Variants in DYM observed in about 807,000 individuals in gnomAD.
DYM encodes dymeclin.
DYM carries 78 observed loss-of-function variants against 93.1 expected under a neutral mutation model. The observed-to-expected ratio is 0.84, with a 90% confidence interval of 0.70 to 1.01. The LOEUF (loss-of-function observed/expected upper bound fraction) is 1.01, where lower values mean the gene tolerates loss of function less well. Among genes scored for constraint, DYM ranks in the 50% least tolerant of loss-of-function variants. The pLI is 0.00. For synonymous variants in DYM, 321 were observed against 319.7 expected (o/e 1.00, Z -0.04); for missense variants, 789 against 845.0 (o/e 0.93, Z 0.82).
chr18:49,118,564 G>A, intron 16 of DYM, 180 bp downstream of exon 16: 1 of 617,764 alleles, frequency 1.6e-6, no homozygotes, highest in Non-Finnish European at 2.9e-6. Context: ...AAATATGTAT[G>A]TGTGTGTATA....
At chr18:49,268,004 T>C (rs1488938375) in intron 11 of DYM, among the ~76,000 whole-genome samples, 5 of 152,214 alleles carry the variant, frequency 3.3e-5, no homozygotes, top group African/African-American at 1.2e-4. Context: ...ATTAAGGGTA[T>C]ATGAGGTCTC....
chr18:49,313,483 A>AAAAAAAAAAAAAAAAAAC (rs2061732957), intron 8 of DYM, among the ~76,000 whole-genome samples: 1 of 145,278 alleles, frequency 6.9e-6, no homozygotes, highest in Admixed American at 6.8e-5. Context: ...AAAAAAAAAA[A>AAAAAAAAAAAAAAAAAAC]AAAAAAAAAA....
chr18:49,079,405 T>TTA (rs1555742495), intron 17 of DYM, among the ~76,000 whole-genome samples: 2 of 150,432 alleles, frequency 1.3e-5, no homozygotes, highest in Admixed American at 1.3e-4. Flanking sequence ...TTTTTTTTTT[T>TTA]TTTATTTTTA....
chr18:49,196,820 G>T (rs772100549), intron 14 of DYM, among the ~76,000 whole-genome samples: 1 of 152,140 alleles, frequency 6.6e-6, no homozygotes, highest in African/African-American at 2.4e-5. Context: ...TTGCTGGATC[G>T]GGAATTAGGG....
chr18:49,276,529 A>G (rs1335378546), intron 10 of DYM, among the ~76,000 whole-genome samples: 2 of 152,168 alleles, frequency 1.3e-5, no homozygotes, highest in African/African-American at 4.8e-5. Flanking sequence ...AAGAGGAAAA[A>G]GGAGAAAATT....
At chr18:49,293,677 T>C (rs2060324941) in intron 8 of DYM, among the ~76,000 whole-genome samples, 1 of 152,230 alleles carries the variant, frequency 6.6e-6, no homozygotes, top group Non-Finnish European at 1.5e-5. Flanking sequence ...GTTTGCTTTT[T>C]TTCTTGTAAA....
At chr18:49,349,409 T>C (rs767922507) in intron 6 of DYM, among the ~76,000 whole-genome samples, 1 of 152,096 alleles carries the variant, frequency 6.6e-6, no homozygotes, top group Non-Finnish European at 1.5e-5. Context: ...GACTGACAGA[T>C]TGAAAAGATG....
At chr18:49,428,711 C>T (rs996084894) in intron 2 of DYM, among the ~76,000 whole-genome samples, 7 of 152,012 alleles carry the variant, frequency 4.6e-5, no homozygotes, top group African/African-American at 1.4e-4. Flanking sequence ...GTTGCTAGTG[C>T]AATCTAGAGT....
chr18:49,198,850 C>G (rs1314993099), intron 14 of DYM, among the ~76,000 whole-genome samples: 1 of 151,684 alleles, frequency 6.6e-6, no homozygotes, highest in Admixed American at 6.6e-5. Context: ...ACTAGAAATA[C>G]CATTTGACCC....
chr18:49,454,129 C>T (rs1040352588), intron 1 of DYM, among the ~76,000 whole-genome samples: 2 of 152,112 alleles, frequency 1.3e-5, no homozygotes, highest in East Asian at 1.9e-4. Context: ...AGCTGCTGAT[C>T]CCCACATGAT....
At chr18:49,065,725 T>C (rs937329365) in intron 17 of DYM, among the ~76,000 whole-genome samples, 6 of 151,914 alleles carry the variant, frequency 3.9e-5, no homozygotes, top group African/African-American at 1.5e-4. Context: ...TGAAAAAAAA[T>C]TAAAAACAGG....
chr18:49,441,102 T>C lies in DYM; in HGVS notation c.-53-10655A>G, dbSNP rs1227618387. Among the ~76,000 whole-genome samples the C allele has an allele frequency of 1.6e-3, 14 of 8,636 alleles. 1 individual carries two copies. The highest frequency in any genetic ancestry group is 4.0e-3 in the African/African-American group (14 of 3,518). 5.7% of individuals were successfully genotyped at this position (8,636 alleles called of 152,430 possible). ...TTATATTATATATTATATATAAATA[T>C]ATATTAATATAAATATATTATATAT... On this transcript the variant is annotated intron_variant, in intron 1 of 17. Transcript: ENST00000675505.
rs905848417 is a variant in DYM, at chr18:49,068,742, A to G, written c.2026-24538T>C. ...TTTCTATGCCCTCTCTCAGCAGAAT[A>G]AAAGAGTGGAAATCTAAAAGAAGGA... On this transcript the variant is annotated intron_variant, in intron 17 of 17. Transcript: ENST00000675505. Among the ~76,000 whole-genome samples the G allele has an allele frequency of 2.0e-5, 3 of 152,336 alleles. No individual in the cohort carries two copies. The East Asian group carries it at 5.8e-4, about 29-fold the overall frequency.
intron 16 of DYM, among the ~76,000 whole-genome samples, chr18:49,107,139 G>A (rs563074161): frequency 9.2e-5 from 14 of 151,968 alleles, no homozygotes; most frequent in African/African-American, 2.9e-4. Flanking sequence ...TTCTCTTCTC[G>A]CTTCATTTCA....
intron 8 of DYM, among the ~76,000 whole-genome samples, chr18:49,301,553 A>G (rs535079249): frequency 2.6e-5 from 4 of 152,110 alleles, no homozygotes; most frequent in South Asian, 4.1e-4. Context: ...TTCCCAAGAC[A>G]TAAGTAATCC....
chr18:49,215,485 C>A (rs892048172), intron 13 of DYM, among the ~76,000 whole-genome samples: 1 of 152,150 alleles, frequency 6.6e-6, no homozygotes, highest in South Asian at 2.1e-4. Context: ...GACAATATAT[C>A]CCCTTATTGC....
chr18:49,364,693 G>C (rs559653653), intron 5 of DYM, among the ~76,000 whole-genome samples: 2 of 152,222 alleles, frequency 1.3e-5, no homozygotes, highest in African/African-American at 2.4e-5. Flanking sequence ...TGGAGATATA[G>C]GTCCTGCATC....
At chr18:49,226,437 A>G (rs1229692100) in intron 13 of DYM, among the ~76,000 whole-genome samples, 1 of 152,182 alleles carries the variant, frequency 6.6e-6, no homozygotes, top group Non-Finnish European at 1.5e-5. Context: ...CCATGCAGCA[A>G]TGTGAAGCTG....
intron 8 of DYM, among the ~76,000 whole-genome samples, chr18:49,315,148 G>A (rs2061844537): frequency 1.3e-5 from 2 of 151,892 alleles, no homozygotes; most frequent in African/African-American, 4.8e-5. Context: ...CCGAGAGGCG[G>A]AGGTTGCAGT....
Sources: gnomAD v4.1 joint callset for allele counts (sites outside exome capture counted in the v4.1 genomes callset) on GRCh38, gnomAD v4.1.1 for gene constraint, MANE v1.5 for transcripts, NCBI Gene and HGNC (gene_info 2026-07-23, HGNC 2026-07-21) for gene names.